DYNC1H1: variants seen among roughly 807,000 people sequenced by gnomAD.
DYNC1H1 encodes the protein cytoplasmic dynein 1 heavy chain 1.
Under a neutral mutation model 527.1 loss-of-function variants are expected in DYNC1H1, and 51 were observed. That is an observed-to-expected ratio of 0.10 (90% CI 0.08 to 0.12). DYNC1H1 has a LOEUF of 0.12. Among genes scored for constraint, DYNC1H1 ranks in the 10% least tolerant of loss-of-function variants. The pLI, the probability that DYNC1H1 is intolerant of heterozygous loss-of-function variation, is 1.00. For missense variants in DYNC1H1, 2,771 were observed against 5,971.8 expected, an observed-to-expected ratio of 0.46 and a Z score of 17.66; for synonymous variants, 2,189 against 2,278.8, an observed-to-expected ratio of 0.96 and a Z score of 1.12.
Position 102,039,295 on chromosome 14 carries a change from A to T in DYNC1H1, c.11460+41A>T, listed in dbSNP as rs1284732418. ...ATGCAGAGACTGGCGGGCCCCGCAC[A>T]GTAGCTCCTTGGCCGCACAGAGGCT... On this transcript the variant is annotated intron_variant, in intron 60 of 77. Coordinates refer to ENST00000360184, the MANE Select transcript of DYNC1H1 (RefSeq NM_001376.5). This position sits in a 1 kb window ranked among gnomAD's most constrained non-coding sequence, Gnocchi z 7.0. 1 of 1,611,338 alleles carries T rather than the reference A, an allele frequency of 6.2e-7. No individual in the cohort carries two copies. Among genetic ancestry groups the T allele is most frequent in the Admixed American group, 1.7e-5 (1 of 59,856 alleles).
At position 101,986,508 on chromosome 14, in the gene DYNC1H1, A is replaced by G. The variant is rs202008601; in HGVS notation, c.2283A>G (p.Pro761=). ...RNLKWLGFRV[P]LAIVNKAHQA... The stretch of plus-strand genomic sequence containing the variant: ...TCAAATGGCTTGGTTTCCGCGTCCC[A>G]CTGGCGATTGTGAACAAAGCCCATC... Residue 761 remains proline, a synonymous_variant, in exon 8 of 78, where the codon CCA becomes CCG. Coordinates refer to ENST00000360184, the MANE Select transcript of DYNC1H1 (RefSeq NM_001376.5). This position sits in a 1 kb window ranked among gnomAD's most constrained non-coding sequence, Gnocchi z 8.7. The G allele has an allele frequency of 5.4e-5, 87 of 1,614,194 alleles. 1 individual carries two copies. The East Asian group carries it at 1.6e-3, about 30-fold the overall frequency.
Position 102,040,260 on chromosome 14 carries a change from C to G in DYNC1H1, c.11715C>G (p.Phe3905Leu). Reference sequence around the variant, plus strand: ...GGGAGCCCACCTACGATGCAGAATTCCAGCACTTCTTGAGAGGAAATGAGA... The same window carrying G: ...GGGAGCCCACCTACGATGCAGAATTGCAGCACTTCTTGAGAGGAAATGAGA... Reference protein sequence around the residue: ...TVGEPTYDAEFQHFLRGNEIV... With the variant: ...TVGEPTYDAELQHFLRGNEIV... The change falls in exon 63 of 78, where the codon TTC becomes TTG. Residue 3905 changes from phenylalanine to leucine, a missense_variant. Phe to Leu is a conservative substitution (Grantham distance 22). Transcript: ENST00000360184. The G allele has an allele frequency of 6.2e-7, 1 of 1,614,170 alleles. No individual in the cohort carries two copies. Among genetic ancestry groups the G allele is most frequent in the South Asian group, 1.1e-5 (1 of 91,080 alleles).
chr14:101,995,714 T>C (rs755850161), intron 15 of DYNC1H1, among the ~76,000 whole-genome samples: 5 of 152,140 alleles, frequency 3.3e-5, no homozygotes, highest in Non-Finnish European at 5.9e-5. Context: ...GGCACTCTTT[T>C]CTTAGTATGG....
At chr14:101,993,466 T>C (rs1234693457) in intron 11 of DYNC1H1, among the ~76,000 whole-genome samples, 2 of 152,150 alleles carry the variant, frequency 1.3e-5, no homozygotes, top group Non-Finnish European at 1.5e-5. Flanking sequence ...GCCCGTGTAA[T>C]GTGTTGCTTA....
chr14:101,986,559 C>G lies in DYNC1H1; in HGVS notation c.2334C>G (p.Ala778=). The change falls in exon 8 of 78, where the codon GCC becomes GCG. Residue 778 remains alanine (A), a synonymous_variant. Coordinates refer to ENST00000360184, the MANE Select transcript of DYNC1H1 (RefSeq NM_001376.5). The surrounding 1 kb of genome is among the most constrained non-coding windows in gnomAD (Gnocchi z 8.7). ...AHQANQLYPF[A]ISLIESVRTY... Reference sequence around the variant, plus strand: ...AAGCAAACCAGCTTTACCCGTTTGCCATCTCACTGATCGAGAGCGTTCGTA... The same window carrying G: ...AAGCAAACCAGCTTTACCCGTTTGCGATCTCACTGATCGAGAGCGTTCGTA... 1 of 1,614,120 alleles carries G rather than the reference C, an allele frequency of 6.2e-7. No homozygotes were observed. The highest frequency in any genetic ancestry group is 1.1e-5 in the South Asian group (1 of 91,078).
At chr14:102,021,465 G>C (rs983954975) in intron 42 of DYNC1H1, among the ~76,000 whole-genome samples, 2 of 152,010 alleles carry the variant, frequency 1.3e-5, no homozygotes, top group South Asian at 2.1e-4. Flanking sequence ...TACAAATTCA[G>C]ATTGGCTTCA....
chr14:102,004,602 G>A lies in DYNC1H1; in HGVS notation c.4968G>A (p.Lys1656=), dbSNP rs2048175453. The change falls in exon 24 of 78, where the codon AAG becomes AAA. Residue 1656 remains lysine, a synonymous_variant. Transcript: ENST00000360184. ...NVAKLQKHFK[K]MFAGVSSIIL... ...CTAAATTACAGAAACACTTCAAGAA[G>A]ATGTTTGCTGGAGTTTCGAGCATCA... 6.2e-7 allele frequency: 1 copy of A among 1,614,202 alleles called. No individual in the cohort carries two copies. The highest frequency in any genetic ancestry group is 8.5e-7 in the Non-Finnish European group (1 of 1,180,042).
intron 10 of DYNC1H1, among the ~76,000 whole-genome samples, chr14:101,990,939 G>A (rs1000410596): frequency 2.0e-5 from 3 of 151,694 alleles, no homozygotes; most frequent in African/African-American, 7.3e-5. Flanking sequence ...AACTCGGGAG[G>A]TGGAGATTGC....
At chr14:102,022,268 G>A (rs921811368) in intron 42 of DYNC1H1, among the ~76,000 whole-genome samples, 7 of 151,816 alleles carry the variant, frequency 4.6e-5, no homozygotes, top group South Asian at 2.1e-4. Flanking sequence ...AGGCCGAGGC[G>A]GGCGGATCAC....
chr14:102,008,034 C>G (rs1240701298), intron 28 of DYNC1H1, 144 bp from the exon 29 acceptor site: 4 of 1,166,210 alleles, frequency 3.4e-6, no homozygotes, highest in Non-Finnish European at 4.9e-6. Flanking sequence ...CTCATTTAAC[C>G]TTAGTTATGT....
Position 102,012,302 on chromosome 14 carries a change from C to A in DYNC1H1, c.6858-12C>A. 1 of 1,614,118 alleles carries A rather than the reference C, an allele frequency of 6.2e-7. No homozygotes were observed. Among genetic ancestry groups the A allele is most frequent in the Non-Finnish European group, 8.5e-7 (1 of 1,180,020 alleles). Reference sequence around the variant, plus strand: ...TTTAATCAGCAGCTATTTTAAAATCCTTCCCAACCAGGATCATCGACAGCG... The same window carrying A: ...TTTAATCAGCAGCTATTTTAAAATCATTCCCAACCAGGATCATCGACAGCG... On this transcript the variant is annotated splice_polypyrimidine_tract_variant and intron_variant, in intron 33 of 77. Transcript: ENST00000360184. The surrounding 1 kb of genome is among the most constrained non-coding windows in gnomAD (Gnocchi z 4.9).
At chr14:101,972,502 G>T (rs2047750556) in intron 1 of DYNC1H1, among the ~76,000 whole-genome samples, 1 of 152,182 alleles carries the variant, frequency 6.6e-6, no homozygotes. Flanking sequence ...CATTGGGTGT[G>T]CCTTCCTGAG....
chr14:102,024,877 G>T (rs1193458795), intron 43 of DYNC1H1, among the ~76,000 whole-genome samples: 3 of 151,236 alleles, frequency 2.0e-5, no homozygotes, highest in Middle Eastern at 3.4e-3. Context: ...TGTATTTTTA[G>T]TAGAGATGGG....
At chr14:102,009,788 A>ATTT in intron 29 of DYNC1H1, 55 bp from the exon 30 acceptor site, 2 of 1,595,190 alleles carry the variant, frequency 1.3e-6, no homozygotes, top group Admixed American at 3.4e-5. Context: ...TTTAGAATGC[A>ATTT]TTTTGTTTTT....
intron 2 of DYNC1H1, among the ~76,000 whole-genome samples, chr14:101,977,585 T>A (rs1433491705): frequency 6.6e-6 from 1 of 152,202 alleles, no homozygotes; most frequent in Non-Finnish European, 1.5e-5. Context: ...CATGTTGAAA[T>A]TGTCTCAATG....
At chr14:101,975,009 A>G (rs185008016) in intron 1 of DYNC1H1, among the ~76,000 whole-genome samples, 183 of 152,354 alleles carry the variant, frequency 1.2e-3, no homozygotes, top group African/African-American at 4.2e-3. Flanking sequence ...AATGCTTCTC[A>G]GTGACCCTTG....
chr14:102,052,276 G>C lies in DYNC1H1; in HGVS notation c.*1713G>C, dbSNP rs908048364. 2.0e-4 allele frequency: 30 copies of C among 152,532 alleles called. No individual in the cohort carries two copies. Among genetic ancestry groups the C allele is most frequent in the African/African-American group, 7.0e-4 (29 of 41,462 alleles). 9.4% of individuals were successfully genotyped at this position (152,532 alleles called of 1,614,324 possible). A position where few individuals can be genotyped will look rare whatever the true frequency, so the allele number is the denominator to read the frequency against. ...AGCCTTCTGAGCAGCTGGGACCACA[G>C]ACACACACCACCATGTCGGCTAATT... On this transcript the variant is annotated 3_prime_UTR_variant, in exon 78 of 78. Coordinates refer to ENST00000360184, the MANE Select transcript of DYNC1H1 (RefSeq NM_001376.5).
At position 102,012,253 on chromosome 14, in the gene DYNC1H1, A is replaced by G. The variant is rs903626086; in HGVS notation, c.6858-61A>G. ...TCATTTCAGAAACCATCATCGGTAAACATGCCTAATGTTAAAATCTTGATT... is the reference window on the plus strand; with the variant it reads ...TCATTTCAGAAACCATCATCGGTAAGCATGCCTAATGTTAAAATCTTGATT... On this transcript the variant is annotated intron_variant, in intron 33 of 77. Transcript: ENST00000360184. The surrounding 1 kb of genome is among the most constrained non-coding windows in gnomAD (Gnocchi z 4.9). The G allele has an allele frequency of 1.2e-6, 2 of 1,613,684 alleles. No individual in the cohort carries two copies. The highest frequency in any genetic ancestry group is 1.7e-6 in the Non-Finnish European group (2 of 1,179,638).
Position 102,036,705 on chromosome 14 carries a change from T to A in DYNC1H1, c.10908+63T>A. 6.2e-7 allele frequency: 1 copy of A among 1,605,188 alleles called. No homozygotes were observed. Among genetic ancestry groups the A allele is most frequent in the Non-Finnish European group, 8.5e-7 (1 of 1,173,434 alleles). On this transcript the variant is annotated intron_variant, in intron 57 of 77. Coordinates refer to ENST00000360184, the MANE Select transcript of DYNC1H1 (RefSeq NM_001376.5). The surrounding 1 kb of genome is among the most constrained non-coding windows in gnomAD (Gnocchi z 5.6). ...CAAGAGTGAATTCCTTTTTGGGGGCTGCCTTTAGTTTTCAACTTTGTAAGA... is the reference window on the plus strand; with the variant it reads ...CAAGAGTGAATTCCTTTTTGGGGGCAGCCTTTAGTTTTCAACTTTGTAAGA...
Sources: allele counts gnomAD v4.1 joint callset (sites outside exome capture counted in the v4.1 genomes callset), GRCh38; gene constraint gnomAD v4.1.1; non-coding constraint Gnocchi (gnomAD v3.1); transcripts MANE v1.5; gene names NCBI Gene and HGNC (gene_info 2026-07-23, HGNC 2026-07-21).